The following SCRIB variants were observed in gnomAD, a reference collection of about 807,000 sequenced individuals.
The protein encoded by SCRIB is protein scribble homolog.
A neutral mutation model predicts 170.0 loss-of-function variants in SCRIB; 72 were observed. The observed-to-expected ratio is 0.42, with a 90% CI of 0.35 to 0.52. The LOEUF is 0.52. SCRIB is among the 20% of genes least tolerant of loss of function. The pLI, the probability that SCRIB is intolerant of heterozygous loss-of-function variation, is 0.02. For synonymous variants in SCRIB, 1,298 were observed against 1,044.3 expected (o/e 1.24, Z -4.68); for missense variants, 2,475 against 2,338.5 (o/e 1.06, Z -1.20).
chr8:143,809,096 A>G, intron 14 of SCRIB, 71 bp from the exon 15 acceptor site: 1 of 1,528,222 alleles, frequency 6.5e-7, no homozygotes, highest in Non-Finnish European at 8.8e-7. Flanking sequence ...CCTACTAAAC[A>G]GTGTGGCCAC....
chr8:143,800,241 A>G (rs1285256459), intron 24 of SCRIB, among the ~76,000 whole-genome samples: 1 of 152,166 alleles, frequency 6.6e-6, no homozygotes, highest in Non-Finnish European at 1.5e-5. Context: ...CCTACTTAGC[A>G]GATAAGAGGA....
At chr8:143,800,201 GCTGATGAAAC>G (rs1364552487) in intron 24 of SCRIB, among the ~76,000 whole-genome samples, 1 of 152,132 alleles carries the variant, frequency 6.6e-6, no homozygotes, top group Admixed American at 6.5e-5. Context: ...CCCCAAGCCC[GCTGATGAAAC>G]CTCCATGGGC....
Position 143,791,978 on chromosome 8 carries a change from C to G in SCRIB, c.4657+13G>C. ...GGCAGGCTGACCCCCCCGACCTGCC[C>G]TGACCCACAGACCTTCCACAGGGGT... On this transcript the variant is annotated intron_variant, in intron 33 of 36. Transcript: ENST00000356994. 2 of 1,498,762 alleles carry G rather than the reference C, an allele frequency of 1.3e-6. No individual in the cohort carries two copies. Among genetic ancestry groups the G allele is most frequent in the Non-Finnish European group, 1.8e-6 (2 of 1,123,790 alleles). 92.8% of individuals were successfully genotyped at this position (1,498,762 alleles called of 1,614,324 possible).
intron 24 of SCRIB, among the ~76,000 whole-genome samples, chr8:143,802,113 CTG>C (rs1815200124): frequency 6.6e-6 from 1 of 152,250 alleles, no homozygotes; most frequent in Non-Finnish European, 1.5e-5. Context: ...AAGGCCCTCT[CTG>C]AGAACCAGAT....
chr8:143,802,585 C>T (rs534358093), intron 24 of SCRIB, among the ~76,000 whole-genome samples: 16 of 152,386 alleles, frequency 1.0e-4, no homozygotes, highest in South Asian at 4.1e-4. Flanking sequence ...CGGGACCCAC[C>T]CTCTTGTGGC....
chr8:143,793,573 G>A (rs4875055), intron 28 of SCRIB: 3 of 351,606 alleles, frequency 8.5e-6, no homozygotes, highest in Non-Finnish European at 1.5e-5. Flanking sequence ...GGGGGGGCAA[G>A]GACCCCCAGA....
chr8:143,794,754 C>T (rs1336922572), intron 27 of SCRIB, among the ~76,000 whole-genome samples: 4 of 152,118 alleles, frequency 2.6e-5, no homozygotes, highest in African/African-American at 9.7e-5. Context: ...GCCCCAGCAG[C>T]AGCAGGTGAA....
chr8:143,814,039 T>C lies in SCRIB; in HGVS notation c.239A>G (p.Asn80Ser). 6.4e-7 allele frequency: 1 copy of C among 1,563,252 alleles called. No individual in the cohort carries two copies. Among genetic ancestry groups the C allele is most frequent in the Non-Finnish European group, 8.7e-7 (1 of 1,153,340 alleles). The change falls in exon 2 of 37, where the codon AAC becomes AGC. Residue 80 changes from asparagine to serine, a missense_variant. Coordinates refer to ENST00000356994, the MANE Select transcript of SCRIB (RefSeq NM_182706.5). ...EIQRLPPEVA[N>S]FMQLVELDVS... ...GTCCAGCTCCACCAGCTGCATGAAG[T>C]TGGCCACCTCGGGAGGCAACCGCTG...
Position 143,805,287 on chromosome 8 carries a change from T to C in SCRIB, c.2495A>G (p.Asp832Gly). ...AVTITPLRPE[D>G]DYSPRERRGG... is the part of the protein sequence containing the mutation. ...CCGCCGCTCTCGGGGGCTGTAATCATCCTCGGGCCGCAGCGGCGTGATGGT... is the reference window on the plus strand; with the variant it reads ...CCGCCGCTCTCGGGGGCTGTAATCACCCTCGGGCCGCAGCGGCGTGATGGT... The change falls in exon 19 of 37, where the codon GAT (aspartate) becomes GGT (glycine). Residue 832 changes from aspartate to glycine, a missense_variant. This residue lies in a region of SCRIB where 1,966 missense variants were observed against 1,742.9 expected (regional missense o/e 1.13). Transcript: ENST00000356994. The C allele has an allele frequency of 6.4e-7, 1 of 1,551,710 alleles. No homozygotes were observed. Among genetic ancestry groups the C allele is most frequent in the Non-Finnish European group, 8.7e-7 (1 of 1,154,914 alleles).
At chr8:143,810,393 C>T in intron 13 of SCRIB, 86 bp downstream of exon 13, 1 of 1,539,736 alleles carries the variant, frequency 6.5e-7, no homozygotes, top group Non-Finnish European at 8.8e-7. Flanking sequence ...GCTGCCCTGG[C>T]CCTCACAGCC....
Position 143,814,110 on chromosome 8 carries a change from GA to G in SCRIB, c.167del (p.Phe56SerfsTer4). On this transcript the variant is annotated frameshift_variant, in exon 2 of 37. Coordinates refer to ENST00000356994, the MANE Select transcript of SCRIB (RefSeq NM_182706.5). LOFTEE classifies it high-confidence loss of function. ...NQLRELPKPF[F>X]RLLNLRKLGL... ...CCAGCTTGCGCAAGTTCAGCAGCCG[GA>G]AAAAAGGCTGTGGGCAGGGAGGACA... 8 of 1,553,310 alleles carry G rather than the reference GA, an allele frequency of 5.2e-6. No homozygotes were observed. The highest frequency in any genetic ancestry group is 1.4e-5 in the African/African-American group (1 of 73,268).
chr8:143,813,946 G>A, intron 2 of SCRIB, 50 bp from the exon 3 acceptor site: 1 of 1,587,622 alleles, frequency 6.3e-7, no homozygotes, highest in Non-Finnish European at 8.6e-7. Context: ...CAGGCCGTCT[G>A]CAGCCCCAGC....
chr8:143,805,119 C>G lies in SCRIB; in HGVS notation c.2663G>C (p.Gly888Ala), dbSNP rs1467446539. 2 of 1,597,808 alleles carry G rather than the reference C, an allele frequency of 1.3e-6. No individual in the cohort carries two copies. Among genetic ancestry groups the G allele is most frequent in the East Asian group, 2.2e-5 (1 of 44,604 alleles). The change falls in exon 19 of 37, where the codon GGT (glycine) becomes GCT (alanine). Residue 888 changes from glycine (G) to alanine (A), a missense_variant. Around this residue, in one of 3 missense-constraint regions of SCRIB, gnomAD observed 1,966 missense variants for 1,742.9 expected, o/e 1.13. Transcript: ENST00000356994. ...CCTGGGCCCCAGCCTCACCGCATCA[C>G]CAGCCCTGTAGGGTGTGGAGCCTTT... ...GGKGSTPYRAGDAGIFVSRIA... is the reference protein window; with the variant it reads ...GGKGSTPYRAADAGIFVSRIA...
intron 9 of SCRIB, 73 bp downstream of exon 9, chr8:143,812,180 CCCAGCAGCAGACA>C (rs1815763319): frequency 8.8e-6 from 8 of 906,722 alleles, no homozygotes; most frequent in Non-Finnish European, 1.5e-5. Flanking sequence ...ACCAGCACCC[CCCAGCAGCAGACA>C]CAGGCTGATG....
intron 24 of SCRIB, among the ~76,000 whole-genome samples, chr8:143,802,766 C>A (rs1815226809): frequency 6.6e-6 from 1 of 152,244 alleles, no homozygotes; most frequent in African/African-American, 2.4e-5. Context: ...CCAGGCCGTG[C>A]TGGTGGGGAG....
intron 20 of SCRIB, 43 bp from the exon 21 acceptor site, chr8:143,804,868 G>T: frequency 6.5e-7 from 1 of 1,527,378 alleles, no homozygotes; most frequent in East Asian, 2.4e-5. Flanking sequence ...AGGGCAGAAG[G>T]GGACAGAGGG....
chr8:143,813,616 T>A lies in SCRIB; in HGVS notation c.446+21A>T, dbSNP rs1227389578. On this transcript the variant is annotated intron_variant, in intron 4 of 36. Coordinates refer to ENST00000356994, the MANE Select transcript of SCRIB (RefSeq NM_182706.5). ...TCCTGGTCCCCCACCCCACCCTAGTTCCACCTGAGAAGGCACTCACTTGCC... is the reference window on the plus strand; with the variant it reads ...TCCTGGTCCCCCACCCCACCCTAGTACCACCTGAGAAGGCACTCACTTGCC... The A allele has an allele frequency of 1.9e-6, 3 of 1,612,674 alleles. No homozygotes were observed. The African/African-American group carries it at 4.0e-5, about 22-fold the overall frequency.
At chr8:143,795,016 G>C (rs782018912) in intron 27 of SCRIB, 22 bp downstream of exon 27, 1 of 1,603,002 alleles carries the variant, frequency 6.2e-7, no homozygotes, top group Non-Finnish European at 8.5e-7. Context: ...GAGGTGGGGG[G>C]CACTGCACAC....
At position 143,815,566 on chromosome 8, in the gene SCRIB, C is replaced by T. The variant is rs1049887836; in HGVS notation, c.-194G>A. ...CGCTCGGAACGCTCGGACTGCGGGC[C>T]TGGGCAGGGGGCGCGGCCCGGCGGG... On this transcript the variant is annotated 5_prime_UTR_variant, in exon 1 of 37. Coordinates refer to ENST00000356994, the MANE Select transcript of SCRIB (RefSeq NM_182706.5). 2.7e-5 allele frequency: 26 copies of T among 978,946 alleles called. No homozygotes were observed. The highest frequency in any genetic ancestry group is 3.0e-5 in the Non-Finnish European group (25 of 827,458). 60.6% of individuals were successfully genotyped at this position (978,946 alleles called of 1,614,324 possible). A position where few individuals can be genotyped will look rare whatever the true frequency, so the allele number is the denominator to read the frequency against.
Sources: gnomAD v4.1 joint callset for allele counts (sites outside exome capture counted in the v4.1 genomes callset) on GRCh38, gnomAD v4.1.1 for gene constraint, gnomAD v4.1.1 regional missense constraint, MANE v1.5 for transcripts, NCBI Gene and HGNC (gene_info 2026-07-23, HGNC 2026-07-21) for gene names.